Variants in CLASP2 observed in about 807,000 individuals in gnomAD.
CLASP2 encodes CLIP-associating protein 2.
In CLASP2, 47 loss-of-function variants were observed where a neutral mutation model predicts 194.4. The observed-to-expected ratio is 0.24, with a 90% CI of 0.19 to 0.31. The LOEUF (loss-of-function observed/expected upper bound fraction) is 0.31, where lower values mean the gene tolerates loss of function less well. CLASP2 is among the 10% of genes least tolerant of loss of function. The probability of loss-of-function intolerance (pLI) is 1.00; values close to 1 mark genes in which losing one functional copy is unlikely to be tolerated. For missense variants in CLASP2, 1,445 were observed against 1,823.6 expected (o/e 0.79, Z 3.78); for synonymous variants, 619 against 633.5 (o/e 0.98, Z 0.34).
chr3:33,584,693 T>TG (rs2066952758), intron 22 of CLASP2, 57 bp downstream of exon 22: 4 of 1,202,656 alleles, frequency 3.3e-6, no homozygotes, highest in South Asian at 1.7e-5. Context: ...TGCCAAAGCC[T>TG]GAAAAAAAAA....
At chr3:33,660,965 C>T (rs2085220612) in intron 7 of CLASP2, among the ~76,000 whole-genome samples, 1 of 152,174 alleles carries the variant, frequency 6.6e-6, no homozygotes, top group Non-Finnish European at 1.5e-5. Context: ...CATGATATTA[C>T]TTCATGTACA....
At chr3:33,686,047 GA>G (rs1472752619) in intron 5 of CLASP2, among the ~76,000 whole-genome samples, 1 of 152,152 alleles carries the variant, frequency 6.6e-6, no homozygotes, top group Non-Finnish European at 1.5e-5. Context: ...AATGTGGTCT[GA>G]ATACAGGAAT....
intron 1 of CLASP2, among the ~76,000 whole-genome samples, chr3:33,701,344 A>G (rs2092358279): frequency 6.6e-6 from 1 of 152,316 alleles, no homozygotes; most frequent in Admixed American, 6.5e-5. Context: ...TGTAAGAGGC[A>G]CATGCCTGTA....
chr3:33,566,649 T>C (rs1302654439), intron 27 of CLASP2, 83 bp downstream of exon 27: 2 of 415,474 alleles, frequency 4.8e-6, no homozygotes, highest in Non-Finnish European at 9.4e-6. Flanking sequence ...CATGAACTCT[T>C]TGGGAGAGAA....
At chr3:33,576,356 A>G (rs1560114148) in intron 23 of CLASP2, 81 bp from the exon 24 acceptor site, 1 of 1,033,476 alleles carries the variant, frequency 9.7e-7, no homozygotes, top group Non-Finnish European at 1.4e-6. Flanking sequence ...TAAGACCTTT[A>G]CAGGGGAAGG....
At chr3:33,499,087 C>T (rs902484408) in intron 38 of CLASP2, among the ~76,000 whole-genome samples, 42 of 152,158 alleles carry the variant, frequency 2.8e-4, no homozygotes, top group African/African-American at 1.0e-3. Context: ...GGGGAGGGTC[C>T]TTGTGGGAGG....
chr3:33,563,065 T>G (rs190759506), intron 27 of CLASP2, among the ~76,000 whole-genome samples: 1 of 152,336 alleles, frequency 6.6e-6, no homozygotes, highest in East Asian at 1.9e-4. Context: ...CTACTTTATA[T>G]TCCTGCTCTC....
Position 33,603,136 on chromosome 3 carries a change from C to A in CLASP2, c.1751-11G>T. The stretch of plus-strand genomic sequence containing the variant: ...TGCTGCCTGCTGATACTACGAAATA[C>A]AAAGCAAAGATAACTTATATCATTT... On this transcript the variant is annotated splice_polypyrimidine_tract_variant and intron_variant, in intron 17 of 38. Transcript: ENST00000682230. The A allele has an allele frequency of 6.5e-7, 1 of 1,549,200 alleles. No individual in the cohort carries two copies. The highest frequency in any genetic ancestry group is 8.7e-7 in the Non-Finnish European group (1 of 1,144,692).
Position 33,649,559 on chromosome 3 carries a change from G to C in CLASP2, c.716-4656C>G, listed in dbSNP as rs942068893. On this transcript the variant is annotated intron_variant, in intron 7 of 38. Coordinates refer to ENST00000682230, the MANE Select transcript of CLASP2 (RefSeq NM_001365631.1). The stretch of plus-strand genomic sequence containing the variant: ...GTACAAATTTTTATACGTAATAAAA[G>C]CAATAAATATTTTATAATATAGTAA... Among the ~76,000 whole-genome samples, 3 of 152,138 alleles carry C rather than the reference G, an allele frequency of 2.0e-5. No homozygotes were observed. In the East Asian group the frequency reaches 5.8e-4, roughly 29 times the overall value.
chr3:33,713,012 C>CAGAAAAAAAAAAAAAAAAAAAAAAA (rs1559717375), intron 1 of CLASP2, among the ~76,000 whole-genome samples: 13 of 46,990 alleles, frequency 2.8e-4, no homozygotes, highest in South Asian at 8.3e-4. Flanking sequence ...AACTCCACCT[C>CAGAAAAAAAAAAAAAAAAAAAAAAA]AAAAAAAAAA....
intron 7 of CLASP2, among the ~76,000 whole-genome samples, chr3:33,646,708 T>C (rs375221998): frequency 1.3e-5 from 2 of 152,076 alleles, no homozygotes; most frequent in African/African-American, 4.8e-5. Context: ...ACTGGGAAAT[T>C]AATTTTTAAA....
At chr3:33,684,245 CA>C (rs904473406) in intron 6 of CLASP2, 113 bp downstream of exon 6, 3 of 547,852 alleles carry the variant, frequency 5.5e-6, no homozygotes, top group Non-Finnish European at 8.8e-6. Flanking sequence ...GACTCCATCT[CA>C]AAAAAATAAA....
intron 2 of CLASP2, among the ~76,000 whole-genome samples, chr3:33,695,980 A>G (rs1483929897): frequency 6.6e-6 from 1 of 152,212 alleles, no homozygotes; most frequent in Non-Finnish European, 1.5e-5. Context: ...TTATCCTACC[A>G]TATGCACTGT....
chr3:33,586,905 T>C (rs2067501401), intron 21 of CLASP2, among the ~76,000 whole-genome samples: 1 of 152,068 alleles, frequency 6.6e-6, no homozygotes, highest in South Asian at 2.1e-4. Context: ...AGTAGTAAGA[T>C]GACTGATCAA....
At position 33,612,024 on chromosome 3, in the gene CLASP2, T is replaced by C. The variant is rs61729569; in HGVS notation, c.1365A>G (p.Thr455=). ...RLIPLITSNC[T]SKSVPVRRRS... ...ACCTCCTCACGGGAACTGATTTTGA[T>C]GTGCAATTGCTTGTTATTAAAGGTA... Residue 455 remains threonine (T), a synonymous_variant, in exon 13 of 39, where the codon ACA becomes ACG. Transcript: ENST00000682230. 1.3e-4 allele frequency: 210 copies of C among 1,610,320 alleles called. No homozygotes were observed. In the African/African-American group the frequency reaches 2.2e-3, roughly 17 times the overall value.
chr3:33,666,450 C>T (rs1229135740), intron 6 of CLASP2, among the ~76,000 whole-genome samples: 7 of 152,196 alleles, frequency 4.6e-5, no homozygotes, highest in South Asian at 2.1e-4. Flanking sequence ...CTGGCCATTT[C>T]ATATAAATGG....
At chr3:33,551,049 C>G (rs2059940121) in intron 30 of CLASP2, among the ~76,000 whole-genome samples, 1 of 152,170 alleles carries the variant, frequency 6.6e-6, no homozygotes, top group Admixed American at 6.5e-5. Context: ...GTGGTAAAGG[C>G]AGCTACTTTT....
In CLASP2 at chr3:33,604,190, A is replaced by C; in HGVS notation, c.1714T>G (p.Trp572Gly). 1 of 1,560,420 alleles carries C rather than the reference A, an allele frequency of 6.4e-7. No individual in the cohort carries two copies. The highest frequency in any genetic ancestry group is 8.7e-7 in the Non-Finnish European group (1 of 1,151,012). Residue 572 changes from tryptophan (W) to glycine (G), a missense_variant, in exon 17 of 39, where the codon TGG becomes GGG. Trp to Gly is a radical substitution (Grantham distance 184). Coordinates refer to ENST00000682230, the MANE Select transcript of CLASP2 (RefSeq NM_001365631.1). ...ACAGTTGATGGATTTGCTGTAGACCATTTGGAAGAAAAAGGGCGACTGCAA... is the reference window on the plus strand; with the variant it reads ...ACAGTTGATGGATTTGCTGTAGACCCTTTGGAAGAAAAAGGGCGACTGCAA... ...ESLNRPFSSKWSTANPSTVAG... is the reference protein window; with the variant it reads ...ESLNRPFSSKGSTANPSTVAG...
chr3:33,617,951 A>ATATAT (rs1290357001), intron 12 of CLASP2, among the ~76,000 whole-genome samples: 1 of 116,556 alleles, frequency 8.6e-6, no homozygotes, highest in Non-Finnish European at 1.9e-5. Context: ...ATATATATAT[A>ATATAT]TTTTTTTTTT....
Sources: allele counts gnomAD v4.1 joint callset (sites outside exome capture counted in the v4.1 genomes callset), GRCh38; gene constraint gnomAD v4.1.1; transcripts MANE v1.5; gene names NCBI Gene and HGNC (gene_info 2026-07-23, HGNC 2026-07-21).